The following TTC29 variants were observed in gnomAD, a reference collection of about 807,000 sequenced individuals.
TTC29 encodes the protein tetratricopeptide repeat protein 29.
TTC29 carries 49 observed loss-of-function variants against 58.1 expected under a neutral mutation model. The observed-to-expected ratio is 0.84, with a 90% CI of 0.67 to 1.07. The LOEUF is 1.07. Ranked by LOEUF, TTC29 falls within the 50% of genes least tolerant of loss-of-function variation. The probability of loss-of-function intolerance (pLI) is 0.00; values close to 1 mark genes in which losing one functional copy is unlikely to be tolerated. For missense variants in TTC29, 582 were observed against 555.6 expected (o/e 1.05, Z -0.48); for synonymous variants, 209 against 196.8 (o/e 1.06, Z -0.52).
intron 6 of TTC29, among the ~76,000 whole-genome samples, chr4:146,896,167 A>C (rs1021742365): frequency 6.6e-6 from 1 of 152,094 alleles, no homozygotes; most frequent in African/African-American, 2.4e-5. Context: ...ATTTTGACTT[A>C]TCTTTTGTTG....
At chr4:146,825,167 C>G (rs1681939136) in intron 9 of TTC29, among the ~76,000 whole-genome samples, 1 of 151,914 alleles carries the variant, frequency 6.6e-6, no homozygotes, top group African/African-American at 2.4e-5. Flanking sequence ...TTGCTCTTGC[C>G]TCTCAAACTC....
intron 8 of TTC29, among the ~76,000 whole-genome samples, chr4:146,862,562 T>A (rs1436369150): frequency 6.6e-6 from 1 of 152,196 alleles, no homozygotes; most frequent in Non-Finnish European, 1.5e-5. Context: ...TGAAAAGACA[T>A]TGCCTTCAAA....
intron 3 of TTC29, among the ~76,000 whole-genome samples, chr4:146,938,223 G>A (rs188015815): frequency 8.5e-5 from 13 of 152,072 alleles, no homozygotes; most frequent in East Asian, 1.9e-4. Flanking sequence ...CTTGTAGTGC[G>A]TTCATTCTTC....
chr4:146,767,984 A>T (rs1034029862), intron 11 of TTC29, among the ~76,000 whole-genome samples: 4 of 152,054 alleles, frequency 2.6e-5, no homozygotes, highest in Admixed American at 1.3e-4. Flanking sequence ...TTAATATTCC[A>T]TGATTCTATG....
At chr4:146,915,007 C>T (rs951796736) in intron 4 of TTC29, among the ~76,000 whole-genome samples, 2 of 152,132 alleles carry the variant, frequency 1.3e-5, no homozygotes, top group East Asian at 3.9e-4. Flanking sequence ...TTATAGAACA[C>T]CCACAATGTG....
intron 11 of TTC29, among the ~76,000 whole-genome samples, chr4:146,780,772 T>A (rs1748536881): frequency 6.6e-6 from 1 of 152,074 alleles, no homozygotes; most frequent in African/African-American, 2.4e-5. Context: ...TTAGAATGAT[T>A]TTTGAATGTA....
intron 9 of TTC29, among the ~76,000 whole-genome samples, chr4:146,821,858 T>C (rs2150142293): frequency 6.6e-6 from 1 of 152,252 alleles, no homozygotes; most frequent in African/African-American, 2.4e-5. Context: ...AGAGTTTCAC[T>C]GTCAATTTGG....
chr4:146,917,854 C>T (rs895464352), intron 4 of TTC29, among the ~76,000 whole-genome samples: 8 of 149,488 alleles, frequency 5.4e-5, no homozygotes, highest in African/African-American at 1.2e-4. Flanking sequence ...CTTAGAATTG[C>T]TATCCAAATA....
At chr4:146,823,177 C>T (rs1751960321) in intron 9 of TTC29, among the ~76,000 whole-genome samples, 1 of 152,150 alleles carries the variant, frequency 6.6e-6, no homozygotes, top group Non-Finnish European at 1.5e-5. Flanking sequence ...ACGTCATTGC[C>T]TGTGCCTATG....
At chr4:146,767,514 G>A (rs939423289) in intron 11 of TTC29, among the ~76,000 whole-genome samples, 2 of 151,952 alleles carry the variant, frequency 1.3e-5, no homozygotes, top group Non-Finnish European at 2.9e-5. Context: ...TTTAGTGGAA[G>A]CGCACATTTC....
chr4:146,857,288 G>C (rs746063162), intron 8 of TTC29, among the ~76,000 whole-genome samples: 1 of 151,818 alleles, frequency 6.6e-6, no homozygotes, highest in Non-Finnish European at 1.5e-5. Flanking sequence ...GTGTGTGTGT[G>C]TGTGTGTGTG....
At chr4:146,854,924 C>T (rs1729741870) in intron 8 of TTC29, among the ~76,000 whole-genome samples, 1 of 152,134 alleles carries the variant, frequency 6.6e-6, no homozygotes, top group Non-Finnish European at 1.5e-5. Context: ...GTGCCAAATG[C>T]CATTTTGTGG....
At chr4:146,777,143 C>T (rs774662112) in intron 11 of TTC29, among the ~76,000 whole-genome samples, 3 of 152,122 alleles carry the variant, frequency 2.0e-5, no homozygotes, top group African/African-American at 4.8e-5. Context: ...GTAGTGCAGT[C>T]GGGTATCCTA....
At chr4:146,831,693 A>T (rs1561168846) in intron 9 of TTC29, 1 of 449,966 alleles carries the variant, frequency 2.2e-6, no homozygotes, top group Non-Finnish European at 4.5e-6. Context: ...CTTAGCCTTG[A>T]CTGAATCGAC....
At chr4:146,833,025 A>G (rs1728270024) in intron 9 of TTC29, among the ~76,000 whole-genome samples, 2 of 152,200 alleles carry the variant, frequency 1.3e-5, no homozygotes, top group South Asian at 4.1e-4. Flanking sequence ...GTATGTGTTT[A>G]CAACTGAAGT....
intron 11 of TTC29, among the ~76,000 whole-genome samples, chr4:146,780,352 T>C (rs1748501765): frequency 1.3e-5 from 2 of 149,702 alleles, no homozygotes; most frequent in African/African-American, 4.9e-5. Flanking sequence ...TGTGTGTAGA[T>C]GTCAAAAGAA....
In TTC29 at chr4:146,708,542, G is replaced by T. The variant is rs189132111; in HGVS notation, c.1331-991C>A. On this transcript the variant is annotated intron_variant, in intron 11 of 12. Transcript: ENST00000325106. ...TTATATGTATATCTATATACATAGA[G>T]AGAGCCATGTTAATTTGTTACTTAA... is the stretch of plus-strand genomic sequence containing the variant. Among the ~76,000 whole-genome samples the T allele has an allele frequency of 4.6e-5, 7 of 150,836 alleles. No individual in the cohort carries two copies. In the East Asian group the frequency reaches 1.4e-3, roughly 29 times the overall value.
intron 11 of TTC29, among the ~76,000 whole-genome samples, chr4:146,729,824 G>A (rs758076990): frequency 6.6e-6 from 1 of 151,882 alleles, no homozygotes; most frequent in Non-Finnish European, 1.5e-5. Context: ...GATCTTATGA[G>A]AACTCACTAT....
In TTC29 at chr4:146,710,400, TC is replaced by T. The variant is rs558108297; in HGVS notation, c.1331-2850del. ...CTAAAATGTCACTAGTACATAGGAA[TC>T]TTTCAGCTCCATTATAAACTTTTAG... On this transcript the variant is annotated intron_variant, in intron 11 of 12. Coordinates refer to ENST00000325106, the MANE Select transcript of TTC29 (RefSeq NM_031956.4). Among the ~76,000 whole-genome samples, 99 of 152,192 alleles carry T rather than the reference TC, an allele frequency of 6.5e-4. 1 individual carries two copies. The highest frequency in any genetic ancestry group is 1.2e-3 in the Non-Finnish European group (84 of 68,028).
Sources: allele counts gnomAD v4.1 joint callset (sites outside exome capture counted in the v4.1 genomes callset), GRCh38; gene constraint gnomAD v4.1.1; transcripts MANE v1.5; gene names NCBI Gene and HGNC (gene_info 2026-07-23, HGNC 2026-07-21).